Variants in BCAS3 observed in about 807,000 individuals in gnomAD.
The protein encoded by BCAS3 is BCAS4/BCAS3 fusion.
BCAS3 carries 53 observed loss-of-function variants against 116.1 expected under a neutral mutation model. The observed-to-expected ratio is 0.46, with a 90% CI of 0.37 to 0.57. The LOEUF (loss-of-function observed/expected upper bound fraction) is 0.57, where lower values mean the gene tolerates loss of function less well. Among genes scored for constraint, BCAS3 ranks in the 20% least tolerant of loss-of-function variants. The pLI is 0.00. For synonymous variants in BCAS3, 391 were observed against 408.2 expected (o/e 0.96, Z 0.51); for missense variants, 917 against 1,165.4 (o/e 0.79, Z 3.10).
intron 6 of BCAS3, among the ~76,000 whole-genome samples, chr17:60,782,416 G>A (rs2045913495): frequency 6.6e-6 from 1 of 152,048 alleles, no homozygotes; most frequent in African/African-American, 2.4e-5. Context: ...CCTTCAGAAT[G>A]TAGATTACAA....
Position 61,228,731 on chromosome 17 carries a change from C to A in BCAS3, c.2426-139596C>A, listed in dbSNP as rs2082502560. On this transcript the variant is annotated intron_variant, in intron 22 of 23. Coordinates refer to ENST00000407086, the MANE Select transcript of BCAS3 (RefSeq NM_017679.5). This position sits in a 1 kb window ranked among gnomAD's most constrained non-coding sequence, Gnocchi z 5.0. The stretch of plus-strand genomic sequence containing the variant: ...CTGACTGCTCCACTGACCAGTTGTT[C>A]CTCCATCTCTCTGCCTTTCCGCAGG... Among the ~76,000 whole-genome samples the A allele has an allele frequency of 6.6e-6, 1 of 152,176 alleles. No homozygotes were observed. The highest frequency in any genetic ancestry group is 2.4e-5 in the African/African-American group (1 of 41,436).
At chr17:60,750,203 G>C (rs1351695929) in intron 6 of BCAS3, among the ~76,000 whole-genome samples, 3 of 151,884 alleles carry the variant, frequency 2.0e-5, no homozygotes, top group Non-Finnish European at 4.4e-5. Flanking sequence ...GTAATTTACT[G>C]TATTAGAGTG....
At chr17:60,940,732 C>T (rs1056354161) in intron 13 of BCAS3, among the ~76,000 whole-genome samples, 1 of 152,088 alleles carries the variant, frequency 6.6e-6, no homozygotes, top group Admixed American at 6.5e-5. Context: ...ATCTGAATTC[C>T]TGTAAACATT....
rs533540861 is a variant in BCAS3, at chr17:60,890,409, G to T, written c.738+638G>T. 5.3e-5 allele frequency among the ~76,000 whole-genome samples: 8 copies of T among 151,930 alleles called. No homozygotes were observed. The South Asian group carries it at 1.2e-3, about 24-fold the overall frequency. On this transcript the variant is annotated intron_variant, in intron 10 of 23. Transcript: ENST00000407086. ...GTGGAGGTTGTGGTGAGCTGAGATCGCACCACTGCACTCCGTCTGGGCAAC... is the reference window on the plus strand; with the variant it reads ...GTGGAGGTTGTGGTGAGCTGAGATCTCACCACTGCACTCCGTCTGGGCAAC...
rs1195496201 is a variant in BCAS3 at position 61,028,136 on chromosome 17, A to G, written c.1638-6530A>G. 1.3e-5 allele frequency among the ~76,000 whole-genome samples: 2 copies of G among 151,950 alleles called. No individual in the cohort carries two copies. The highest frequency in any genetic ancestry group is 4.8e-5 in the African/African-American group (2 of 41,450). ...CAACGTTTTTTCCTCTTGGACAGAA[A>G]GAAGCTTAAATAGTTCTTTAAGGTT... On this transcript the variant is annotated intron_variant, in intron 16 of 23. Coordinates refer to ENST00000407086, the MANE Select transcript of BCAS3 (RefSeq NM_017679.5). The surrounding 1 kb of genome is among the most constrained non-coding windows in gnomAD (Gnocchi z 4.3).
rs2049231917 is a variant in BCAS3, at chr17:61,261,829, T to A, written c.2426-106498T>A. 6.6e-6 allele frequency among the ~76,000 whole-genome samples: 1 copy of A among 152,220 alleles called. No homozygotes were observed. Among genetic ancestry groups the A allele is most frequent in the Non-Finnish European group, 1.5e-5 (1 of 68,044 alleles). Reference sequence around the variant, plus strand: ...CCAGGGCGCATAGCAATAACGTGAATTTTTTTGTCTAGTATGACTCCTGCG... The same window carrying A: ...CCAGGGCGCATAGCAATAACGTGAAATTTTTTGTCTAGTATGACTCCTGCG... On this transcript the variant is annotated intron_variant, in intron 22 of 23. Coordinates refer to ENST00000407086, the MANE Select transcript of BCAS3 (RefSeq NM_017679.5). The surrounding 1 kb of genome is among the most constrained non-coding windows in gnomAD (Gnocchi z 4.4).
intron 22 of BCAS3, among the ~76,000 whole-genome samples, chr17:61,170,583 C>T (rs925264816): frequency 6.6e-5 from 10 of 152,128 alleles, no homozygotes; most frequent in African/African-American, 1.4e-4. Context: ...TGAGCCACCG[C>T]GCCTGGCCGA....
At chr17:60,873,260 GA>G (rs1187504509) in intron 8 of BCAS3, among the ~76,000 whole-genome samples, 5 of 150,794 alleles carry the variant, frequency 3.3e-5, no homozygotes, top group East Asian at 1.9e-4. Context: ...GGCCCAGCTA[GA>G]AAAAAAAATT....
rs1218690104 is a variant in BCAS3 at position 61,083,232 on chromosome 17, TCCC to T, written c.2328-1232_2328-1230del. On this transcript the variant is annotated intron_variant, in intron 21 of 23. Transcript: ENST00000407086. This position sits in a 1 kb window ranked among gnomAD's most constrained non-coding sequence, Gnocchi z 4.9. ...TAACTGATGTGGACCCTGCATGTAT[TCCC>T]CCATCTCCTCAATCTGAGCTTTTAC... 6.6e-6 allele frequency among the ~76,000 whole-genome samples: 1 copy of T among 152,204 alleles called. No homozygotes were observed. The highest frequency in any genetic ancestry group is 1.9e-4 in the East Asian group (1 of 5,192).
rs994238436 is a variant in BCAS3 at position 61,355,962 on chromosome 17, G to A, written c.2426-12365G>A. On this transcript the variant is annotated intron_variant, in intron 22 of 23. Transcript: ENST00000407086. This position sits in a 1 kb window ranked among gnomAD's most constrained non-coding sequence, Gnocchi z 4.2. Reference sequence around the variant, plus strand: ...GTATGTTTTCTATCCACCTGAAGAAGCAGGCCAGAGCAGCCTACAGGAAAC... The same window carrying A: ...GTATGTTTTCTATCCACCTGAAGAAACAGGCCAGAGCAGCCTACAGGAAAC... Among the ~76,000 whole-genome samples the A allele has an allele frequency of 2.6e-5, 4 of 152,152 alleles. No individual in the cohort carries two copies. Among genetic ancestry groups the A allele is most frequent in the African/African-American group, 9.7e-5 (4 of 41,438 alleles).
intron 22 of BCAS3, among the ~76,000 whole-genome samples, chr17:61,298,016 C>G (rs893388805): frequency 2.0e-5 from 3 of 152,104 alleles, no homozygotes; most frequent in Non-Finnish European, 2.9e-5. Context: ...TTTGTGGGGC[C>G]TTGGGCAAGT....
chr17:60,698,665 A>G (rs555180128), intron 4 of BCAS3, among the ~76,000 whole-genome samples: 55 of 152,338 alleles, frequency 3.6e-4, no homozygotes, highest in African/African-American at 1.3e-3. Flanking sequence ...TGGATTGAGT[A>G]TCAAAAAGCC....
chr17:61,131,877 G>GAT lies in BCAS3; in HGVS notation c.2425+47314_2425+47315insTA, dbSNP rs1478711024. On this transcript the variant is annotated intron_variant, in intron 22 of 23. Transcript: ENST00000407086. This position sits in a 1 kb window ranked among gnomAD's most constrained non-coding sequence, Gnocchi z 4.4. ...ATAGCTCCTCTGAGCTTTTGAAAAG[G>GAT]AGGTAGTGGTAGCCAAAGGAAATAT... 1.3e-5 allele frequency among the ~76,000 whole-genome samples: 2 copies of GAT among 152,222 alleles called. No homozygotes were observed. Among genetic ancestry groups the GAT allele is most frequent in the Non-Finnish European group, 2.9e-5 (2 of 68,048 alleles).
At chr17:61,159,305 C>T (rs1183162907) in intron 22 of BCAS3, 1 of 151,824 alleles carries the variant, frequency 6.6e-6, no homozygotes, top group Admixed American at 6.6e-5. Flanking sequence ...TGGATATTAC[C>T]TCTGACAACA....
intron 22 of BCAS3, among the ~76,000 whole-genome samples, chr17:61,331,949 T>C (rs2143121489): frequency 6.6e-6 from 1 of 152,354 alleles, no homozygotes; most frequent in South Asian, 2.1e-4. Context: ...TATGCTTTTT[T>C]GGGGTTTGTA....
rs1479360519 is a variant in BCAS3, at chr17:61,199,660, G to C, written c.2425+115096G>C. 1.3e-5 allele frequency among the ~76,000 whole-genome samples: 2 copies of C among 152,110 alleles called. No homozygotes were observed. Among genetic ancestry groups the C allele is most frequent in the Non-Finnish European group, 2.9e-5 (2 of 68,026 alleles). ...TTAACTTTGAACAGTGAACACAAAG[G>C]GTAATGAATTACTAATACCATAGTT... On this transcript the variant is annotated intron_variant, in intron 22 of 23. Transcript: ENST00000407086. This position sits in a 1 kb window ranked among gnomAD's most constrained non-coding sequence, Gnocchi z 4.6.
intron 22 of BCAS3, among the ~76,000 whole-genome samples, chr17:61,216,516 GTTTATTTTATTTTAT>G (rs3032587): frequency 3.4e-5 from 5 of 145,352 alleles, no homozygotes; most frequent in Admixed American, 6.8e-5. Context: ...ATAAGTATGT[GTTTATTTTATTTTAT>G]TTTATTTTAT....
chr17:61,076,713 A>G (rs967993193), intron 20 of BCAS3, among the ~76,000 whole-genome samples: 11 of 152,220 alleles, frequency 7.2e-5, no homozygotes, highest in Non-Finnish European at 4.4e-5. Context: ...GAAATTGAAC[A>G]GGCATCTGTT....
intron 22 of BCAS3, among the ~76,000 whole-genome samples, chr17:61,311,480 A>T (rs1285593005): frequency 6.6e-6 from 1 of 152,144 alleles, no homozygotes; most frequent in Non-Finnish European, 1.5e-5. Context: ...ACATTTGGAT[A>T]TTTGTTTTTT....
Sources: allele counts gnomAD v4.1 joint callset (sites outside exome capture counted in the v4.1 genomes callset), GRCh38; gene constraint gnomAD v4.1.1; non-coding constraint Gnocchi (gnomAD v3.1); transcripts MANE v1.5; gene names NCBI Gene and HGNC (gene_info 2026-07-23, HGNC 2026-07-21).